GUCY1A2: variants seen among roughly 807,000 people sequenced by gnomAD.
GUCY1A2 encodes the protein guanylate cyclase soluble subunit alpha-2.
GUCY1A2 carries 27 observed loss-of-function variants against 63.5 expected under a neutral mutation model. That is an observed-to-expected ratio of 0.43 (90% CI 0.31 to 0.59). GUCY1A2 has a LOEUF of 0.59. GUCY1A2 is among the 20% of genes least tolerant of loss of function. The pLI, the probability that GUCY1A2 is intolerant of heterozygous loss-of-function variation, is 0.11. For synonymous variants in GUCY1A2, 364 were observed against 343.5 expected, an observed-to-expected ratio of 1.06 and a Z score of -0.66; for missense variants, 768 against 913.3, an observed-to-expected ratio of 0.84 and a Z score of 2.05.
intron 6 of GUCY1A2, among the ~76,000 whole-genome samples, chr11:106,728,638 G>A (rs767796112): frequency 2.0e-5 from 3 of 152,096 alleles, no homozygotes; most frequent in Non-Finnish European, 4.4e-5. Flanking sequence ...TGCATGCTTA[G>A]GCAAAAATAT....
chr11:106,864,106 C>A (rs1056714014), intron 4 of GUCY1A2, among the ~76,000 whole-genome samples: 43 of 151,788 alleles, frequency 2.8e-4, no homozygotes, highest in African/African-American at 9.4e-4. Flanking sequence ...AGGAGAAACA[C>A]CTAATGTAGA....
intron 4 of GUCY1A2, among the ~76,000 whole-genome samples, chr11:106,900,231 T>C (rs1860112218): frequency 6.6e-6 from 1 of 152,212 alleles, no homozygotes; most frequent in Admixed American, 6.5e-5. Flanking sequence ...TCACCCAGGC[T>C]GGAGTACAGC....
intron 5 of GUCY1A2, among the ~76,000 whole-genome samples, chr11:106,805,086 G>A (rs1858663192): frequency 6.6e-6 from 1 of 152,028 alleles, no homozygotes; most frequent in Non-Finnish European, 1.5e-5. Flanking sequence ...TTTGGGTCCT[G>A]GTATTACCTG....
chr11:106,816,361 A>C (rs1428203332), intron 4 of GUCY1A2, among the ~76,000 whole-genome samples: 1 of 151,838 alleles, frequency 6.6e-6, no homozygotes, highest in Non-Finnish European at 1.5e-5. Flanking sequence ...ATGAAACAAC[A>C]CTTTTCTACA....
chr11:106,862,728 C>A (rs570470710), intron 4 of GUCY1A2, among the ~76,000 whole-genome samples: 3 of 151,838 alleles, frequency 2.0e-5, no homozygotes, highest in Non-Finnish European at 4.4e-5. Context: ...GGAGAAAATT[C>A]TCTGCAAATT....
At chr11:106,758,289 G>T (rs945913043) in intron 6 of GUCY1A2, among the ~76,000 whole-genome samples, 1 of 152,206 alleles carries the variant, frequency 6.6e-6, no homozygotes, top group African/African-American at 2.4e-5. Context: ...ATGTGGGCGT[G>T]GGACCCACTG....
At chr11:106,955,982 A>G (rs1186188195) in intron 3 of GUCY1A2, among the ~76,000 whole-genome samples, 1 of 151,662 alleles carries the variant, frequency 6.6e-6, no homozygotes, top group Non-Finnish European at 1.5e-5. Context: ...CTTCTTGAAG[A>G]CTTTGATCAT....
At chr11:106,818,146 C>T (rs1591289195) in intron 4 of GUCY1A2, among the ~76,000 whole-genome samples, 1 of 152,182 alleles carries the variant, frequency 6.6e-6, no homozygotes, top group East Asian at 1.9e-4. Flanking sequence ...ACAAGCATAC[C>T]TCATTTTATT....
intron 1 of GUCY1A2, among the ~76,000 whole-genome samples, chr11:107,000,614 C>T (rs901750305): frequency 6.6e-6 from 1 of 152,118 alleles, no homozygotes; most frequent in African/African-American, 2.4e-5. Context: ...CATCTCTCTC[C>T]CTCTCTCCTG....
chr11:106,783,011 T>C (rs1332368894), intron 5 of GUCY1A2, among the ~76,000 whole-genome samples: 2 of 152,244 alleles, frequency 1.3e-5, no homozygotes, highest in Non-Finnish European at 2.9e-5. Context: ...ATTAGGTCCA[T>C]GGAACGCCCA....
chr11:106,746,557 A>G, intron 6 of GUCY1A2: 3 of 1,578,996 alleles, frequency 1.9e-6, no homozygotes, highest in Non-Finnish European at 2.6e-6. Flanking sequence ...TTACCTTTTC[A>G]GTACCCAAAT....
At chr11:106,752,273 T>G (rs1177039466) in intron 6 of GUCY1A2, among the ~76,000 whole-genome samples, 12 of 152,156 alleles carry the variant, frequency 7.9e-5, no homozygotes, top group Admixed American at 7.9e-4. Flanking sequence ...TAAGGTAAAC[T>G]TGGTGAATAT....
At chr11:106,795,494 A>G (rs529671777) in intron 5 of GUCY1A2, among the ~76,000 whole-genome samples, 1 of 152,306 alleles carries the variant, frequency 6.6e-6, no homozygotes. Context: ...TAAGAACAGC[A>G]TTATCTTAAT....
intron 4 of GUCY1A2, among the ~76,000 whole-genome samples, chr11:106,854,181 G>A (rs553615188): frequency 2.6e-5 from 4 of 152,244 alleles, no homozygotes; most frequent in Non-Finnish European, 5.9e-5. Context: ...GTTGGCATGT[G>A]TTTGGGCCCC....
intron 4 of GUCY1A2, among the ~76,000 whole-genome samples, chr11:106,925,348 T>A (rs888364381): frequency 6.6e-6 from 1 of 152,214 alleles, no homozygotes; most frequent in Non-Finnish European, 1.5e-5. Flanking sequence ...CTGGTAGAAT[T>A]TTAGAGCACA....
At chr11:106,996,160 T>C (rs1182826451) in intron 1 of GUCY1A2, among the ~76,000 whole-genome samples, 10 of 152,098 alleles carry the variant, frequency 6.6e-5, no homozygotes, top group Admixed American at 3.3e-4. Context: ...AAGTAGGCCA[T>C]TGAGCAATAG....
intron 4 of GUCY1A2, among the ~76,000 whole-genome samples, chr11:106,927,079 A>C (rs967353075): frequency 6.6e-6 from 1 of 151,894 alleles, no homozygotes; most frequent in African/African-American, 2.4e-5. Context: ...AATCCCATAA[A>C]ATCAAGATTA....
chr11:106,826,364 T>G (rs1858971025), intron 4 of GUCY1A2: 1 of 1,500,920 alleles, frequency 6.7e-7, no homozygotes. Flanking sequence ...ATTTGGAACT[T>G]TATATGATTC....
chr11:106,948,044 C>A (rs1318768751), intron 3 of GUCY1A2, among the ~76,000 whole-genome samples: 2 of 152,050 alleles, frequency 1.3e-5, no homozygotes, highest in South Asian at 4.2e-4. Flanking sequence ...TTGCTGTGAA[C>A]AAATGTGTAA....
Sources: allele counts gnomAD v4.1 joint callset (sites outside exome capture counted in the v4.1 genomes callset), GRCh38; gene constraint gnomAD v4.1.1; transcripts MANE v1.5; gene names NCBI Gene and HGNC (gene_info 2026-07-23, HGNC 2026-07-21).